CLEC4A: variants seen among roughly 807,000 people sequenced by gnomAD.
CLEC4A encodes C-type lectin domain family 4 member A.
Under a neutral mutation model 32.7 loss-of-function variants are expected in CLEC4A, and 27 were observed. The ratio of observed to expected loss-of-function variants is 0.83; its 90% CI spans 0.61 to 1.14. The LOEUF is 1.14. Ranked by LOEUF, CLEC4A falls within the 50% of genes most tolerant of loss-of-function variation. The pLI is 0.00. For synonymous variants in CLEC4A, 89 were observed against 93.7 expected, an observed-to-expected ratio of 0.95 and a Z score of 0.29; for missense variants, 253 against 274.6, an observed-to-expected ratio of 0.92 and a Z score of 0.55.
the CLEC4A span, among the ~76,000 whole-genome samples, chr12:8,106,687 G>A: frequency 6.6e-6 from 1 of 151,690 alleles, no homozygotes; most frequent in Non-Finnish European, 1.5e-5. Flanking sequence ...TTTTTGATTT[G>A]CCTCTCAGCT....
chr12:8,112,690 T>C, the CLEC4A span, among the ~76,000 whole-genome samples: 1 of 152,186 alleles, frequency 6.6e-6, no homozygotes, highest in Non-Finnish European at 1.5e-5. Context: ...GAGTATTTCT[T>C]TGGAGTGGTT....
intron 3 of CLEC4A, chr12:8,134,684 C>T: frequency 3.2e-6 from 5 of 1,578,336 alleles, no homozygotes; most frequent in Non-Finnish European, 4.3e-6. Flanking sequence ...TCCCCCACTC[C>T]TCAGAGCCTG....
the CLEC4A span, among the ~76,000 whole-genome samples, chr12:8,106,317 G>A: frequency 1.2e-4 from 18 of 152,108 alleles, no homozygotes; most frequent in African/African-American, 2.7e-4. Context: ...GAAGTCAGGC[G>A]ACACAATGCC....
intron 3 of CLEC4A, chr12:8,134,033 A>T: frequency 4.4e-6 from 7 of 1,601,290 alleles, no homozygotes; most frequent in Non-Finnish European, 6.0e-6. Context: ...CCACACTCGG[A>T]CCACATCCTT....
intron 1 of CLEC4A, among the ~76,000 whole-genome samples, chr12:8,124,960 C>T (rs11043470): frequency 0.52 from 79,095 of 151,884 alleles, 23,356 homozygotes; most frequent in Non-Finnish European, 0.67. Flanking sequence ...TTTTTTCCCC[C>T]ATCATTTGAC....
Position 8,123,977 on chromosome 12 carries a change from AG to A in CLEC4A, c.82+21del. 6.6e-7 allele frequency: 1 copy of A among 1,522,800 alleles called. No individual in the cohort carries two copies. The highest frequency in any genetic ancestry group is 9.1e-7 in the Non-Finnish European group (1 of 1,096,732). The allele number at this position is 1,522,800 out of a possible 1,614,324, so 94.3% of individuals were successfully genotyped here. A position where few individuals can be genotyped will look rare whatever the true frequency, so the allele number is the denominator to read the frequency against. ...CTTCTGCAGGTAAAGATCATTTTCT[AG>A]GGGTCAGAGTGAATGACGAGGTGAA... On this transcript the variant is annotated intron_variant, in intron 1 of 5. Transcript: ENST00000229332.
At chr12:8,121,244 A>G (rs750312888), upstream of CLEC4A, 1 of 152,360 alleles carries the variant, frequency 6.6e-6, no homozygotes, top group South Asian at 2.1e-4. Flanking sequence ...CTTTCTAATT[A>G]TGAGCTTAGA....
intron 3 of CLEC4A, among the ~76,000 whole-genome samples, chr12:8,130,669 C>A (rs1235319817): frequency 6.6e-6 from 1 of 152,168 alleles, no homozygotes; most frequent in Non-Finnish European, 1.5e-5. Context: ...AGTGAGCTAC[C>A]ATGCCCGGCC....
intron 2 of CLEC4A, among the ~76,000 whole-genome samples, chr12:8,126,232 C>T (rs747753283): frequency 6.6e-6 from 1 of 152,038 alleles, no homozygotes; most frequent in Non-Finnish European, 1.5e-5. Flanking sequence ...TTTTATTCCC[C>T]CTGGTTCTGT....
intron 3 of CLEC4A, chr12:8,133,688 C>T: frequency 6.4e-7 from 1 of 1,555,168 alleles, no homozygotes; most frequent in Non-Finnish European, 8.7e-7. Flanking sequence ...AACTTAATCC[C>T]AAAAGCCCTG....
At chr12:8,135,188 A>G (rs1412517347) in intron 3 of CLEC4A, among the ~76,000 whole-genome samples, 1 of 147,114 alleles carries the variant, frequency 6.8e-6, no homozygotes, top group Admixed American at 6.8e-5. Context: ...GCCCGGCCCC[A>G]TTTTTGTTGT....
At chr12:8,128,567 C>T (rs755816726) in intron 2 of CLEC4A, among the ~76,000 whole-genome samples, 33 of 152,112 alleles carry the variant, frequency 2.2e-4, no homozygotes, top group Non-Finnish European at 4.0e-4. Context: ...CCTGCCGCTG[C>T]GCCCAGCTGA....
chr12:8,134,664 C>G, intron 3 of CLEC4A: 1 of 1,588,168 alleles, frequency 6.3e-7, no homozygotes, highest in East Asian at 2.3e-5. Flanking sequence ...CGGCGGGGGA[C>G]ATGGGGGAAT....
the CLEC4A span, among the ~76,000 whole-genome samples, chr12:8,111,961 G>A: frequency 0.3 from 42,780 of 144,786 alleles, 6,756 homozygotes; most frequent in East Asian, 0.43. Context: ...GTGTGTGTGT[G>A]TGTATTTTAT....
At position 8,136,830 on chromosome 12, in the gene CLEC4A, G is replaced by A. The variant is rs200598348; in HGVS notation, c.493G>A (p.Val165Met). The change falls in exon 5 of 6, where the codon GTG becomes ATG. Residue 165 changes from valine (V) to methionine (M), a missense_variant. By Grantham distance (21) the Val-to-Met change is conservative (BLOSUM62 1). Coordinates refer to ENST00000229332, the MANE Select transcript of CLEC4A (RefSeq NM_016184.4). ...TCTGCAAGAAGAATCTGCTTATTTTGTGGGGCTCTCAGATCCAGAAGGTCA... is the reference window on the plus strand; with the variant it reads ...TCTGCAAGAAGAATCTGCTTATTTTATGGGGCTCTCAGATCCAGAAGGTCA... ...QNLQEESAYFVGLSDPEGQRH... is the reference protein window; with the variant it reads ...QNLQEESAYFMGLSDPEGQRH... 3.7e-6 allele frequency: 6 copies of A among 1,613,504 alleles called. No individual in the cohort carries two copies. The Admixed American group carries it at 8.3e-5, about 22-fold the overall frequency.
At chr12:8,135,905 G>A (rs752040706) in intron 4 of CLEC4A, among the ~76,000 whole-genome samples, 169 bp downstream of exon 4, 1 of 152,130 alleles carries the variant, frequency 6.6e-6, no homozygotes, top group Non-Finnish European at 1.5e-5. Context: ...CCTCCTTCCT[G>A]CTTCAGTAAA....
intron 3 of CLEC4A, chr12:8,133,699 G>A: frequency 6.4e-7 from 1 of 1,568,258 alleles, no homozygotes; most frequent in Non-Finnish European, 8.7e-7. Context: ...AAAAGCCCTG[G>A]CACAAACTCC....
At chr12:8,127,878 A>G (rs1947929395) in intron 2 of CLEC4A, among the ~76,000 whole-genome samples, 1 of 152,204 alleles carries the variant, frequency 6.6e-6, no homozygotes, top group South Asian at 2.1e-4. Context: ...TAGGATCAGT[A>G]GCAGGTTTGG....
chr12:8,129,837 TTTG>T lies in CLEC4A; in HGVS notation c.298+484_298+486del, dbSNP rs969366079. ...ACAAATATATAGGACATAAAATTCTTTTGTTGTTGTTTTTTTGAGACAGGGTCT... is the reference window on the plus strand; with the variant it reads ...ACAAATATATAGGACATAAAATTCTTTTGTTGTTTTTTTGAGACAGGGTCT... On this transcript the variant is annotated intron_variant, in intron 3 of 5. Transcript: ENST00000229332. Among the ~76,000 whole-genome samples, 22 of 152,210 alleles carry T rather than the reference TTTG, an allele frequency of 1.4e-4. No homozygotes were observed. The East Asian group carries it at 2.9e-3, about 20-fold the overall frequency.
Sources: gnomAD v4.1 joint callset for allele counts (sites outside exome capture counted in the v4.1 genomes callset) on GRCh38, gnomAD v4.1.1 for gene constraint, MANE v1.5 for transcripts, NCBI Gene and HGNC (gene_info 2026-07-23, HGNC 2026-07-21) for gene names.